The following AFF2 variants were observed in gnomAD, a reference collection of about 807,000 sequenced individuals.
AFF2 encodes the protein ALF transcription elongation factor 2.
A neutral mutation model predicts 76.9 loss-of-function variants in AFF2; 14 were observed. That is an observed-to-expected ratio of 0.18 (90% CI 0.12 to 0.28). The LOEUF (loss-of-function observed/expected upper bound fraction) is 0.28. Among genes scored for constraint, AFF2 ranks in the 10% least tolerant of loss-of-function variants. The pLI is 1.00. For synonymous variants in AFF2, 398 were observed against 366.7 expected, an observed-to-expected ratio of 1.09 and a Z score of -0.98; for missense variants, 868 against 1,001.1, an observed-to-expected ratio of 0.87 and a Z score of 1.79.
intron 3 of AFF2, among the ~76,000 whole-genome samples, chrX:148,779,210 G>A (rs1422228708): frequency 8.9e-6 from 1 of 111,910 alleles, no homozygotes; most frequent in East Asian, 2.8e-4. Flanking sequence ...CTGAGAGTCT[G>A]TTTGTTATGA....
At chrX:148,973,256 G>C (rs1557289741) in intron 15 of AFF2, among the ~76,000 whole-genome samples, 1 of 111,468 alleles carries the variant, frequency 9.0e-6, no homozygotes. Context: ...TCTATTGTGG[G>C]AGCTATTTTG....
At chrX:148,850,817 G>A (rs1557275254) in intron 7 of AFF2, among the ~76,000 whole-genome samples, 1 of 111,856 alleles carries the variant, frequency 8.9e-6, no homozygotes, top group African/African-American at 3.3e-5. Flanking sequence ...CCTCCACCTA[G>A]GGAGTGGCAG....
chrX:148,955,905 A>G lies in AFF2; in HGVS notation c.1860A>G (p.Thr620=), dbSNP rs1557287215. Residue 620 remains threonine (T), a synonymous_variant, in exon 11 of 21, where the codon ACA becomes ACG. Transcript: ENST00000370460. ...LKHKLSTTSE[T]VSQRTIGKKQ... ...ATAAGTTGTCAACAACTAGTGAGAC[A>G]GTGTCTCAAAGGACAATTGGGAAAA... 2.5e-6 allele frequency: 3 copies of G among 1,211,950 alleles called. No individual in the cohort carries two copies. Among genetic ancestry groups the G allele is most frequent in the Admixed American group, 2.2e-5 (1 of 46,083 alleles).
intron 1 of AFF2, among the ~76,000 whole-genome samples, chrX:148,591,518 C>T (rs1454152110): frequency 8.9e-6 from 1 of 112,554 alleles, no homozygotes; most frequent in Non-Finnish European, 1.9e-5. Flanking sequence ...AAATGCTGTA[C>T]AAGTGCTTTA....
intron 3 of AFF2, 66 bp from the exon 4 acceptor site, chrX:148,809,810 G>A (rs1344135924): frequency 7.3e-6 from 8 of 1,091,210 alleles, no homozygotes; most frequent in Non-Finnish European, 8.8e-6. Context: ...TTGTCCTACA[G>A]AGTAAACTAT....
intron 9 of AFF2, among the ~76,000 whole-genome samples, chrX:148,919,499 C>T (rs1367234971): frequency 9.1e-6 from 1 of 110,278 alleles, no homozygotes; most frequent in African/African-American, 3.3e-5. Context: ...CTTCTGAAAC[C>T]TCATCCTTGA....
intron 1 of AFF2, among the ~76,000 whole-genome samples, chrX:148,625,222 A>C (rs1242601264): frequency 1.8e-5 from 2 of 111,091 alleles, no homozygotes; most frequent in Non-Finnish European, 3.8e-5. Context: ...CCCTGTCAAT[A>C]GCTGTGAATA....
In AFF2 at chrX:148,995,484, T is replaced by TG. The variant is rs2072585779; in HGVS notation, c.*4157dup. 5.5e-4 allele frequency: 1 copy of TG among 1,823 alleles called. No individual in the cohort carries two copies. Among genetic ancestry groups the TG allele is most frequent in the African/African-American group, 1.5e-3 (1 of 658 alleles). The allele number at this position is 1,823 out of a possible 1,213,427, so 0.2% of individuals were successfully genotyped here. A position where few individuals can be genotyped will look rare whatever the true frequency, so the allele number is the denominator to read the frequency against. On this transcript the variant is annotated 3_prime_UTR_variant, in exon 21 of 21. Transcript: ENST00000370460. Reference sequence around the variant, plus strand: ...GGGGAGGGCAGAAAGGGGGTGGGGGTGGGGGCGGGGGGGTGGGGGGTGGGG... The same window carrying TG: ...GGGGAGGGCAGAAAGGGGGTGGGGGTGGGGGGCGGGGGGGTGGGGGGTGGGG...
intron 9 of AFF2, among the ~76,000 whole-genome samples, chrX:148,915,323 G>A (rs1193723294): frequency 2.7e-5 from 3 of 112,199 alleles, no homozygotes; most frequent in African/African-American, 9.7e-5. Context: ...ATGCACCATG[G>A]TAATTTAAAT....
rs1239684287 is a variant in AFF2, at chrX:148,962,956, ATAT to A, written c.2913+27_2913+29del. ...GGTAAATGTAAGCATCTTGGAAGAA[ATAT>A]TATTATTGTCAGGTAGAAACAAGTT... On this transcript the variant is annotated intron_variant, in intron 13 of 20. Coordinates refer to ENST00000370460, the MANE Select transcript of AFF2 (RefSeq NM_002025.4). 1.9e-6 allele frequency: 2 copies of A among 1,077,882 alleles called. No individual in the cohort carries two copies. The highest frequency in any genetic ancestry group is 3.0e-5 in the East Asian group (1 of 33,056). 88.8% of individuals were successfully genotyped at this position (1,077,882 alleles called of 1,213,427 possible).
intron 1 of AFF2, among the ~76,000 whole-genome samples, chrX:148,503,850 A>C (rs1371540252): frequency 9.0e-6 from 1 of 111,593 alleles, no homozygotes; most frequent in Non-Finnish European, 1.9e-5. Context: ...GAATAACTTA[A>C]TGGGTCATGC....
chrX:148,656,751 C>T (rs944332359), intron 2 of AFF2, among the ~76,000 whole-genome samples: 7 of 110,092 alleles, frequency 6.4e-5, no homozygotes, highest in Admixed American at 2.9e-4. Context: ...CCGCCCGCCT[C>T]GGCCTCCCAA....
At chrX:148,651,884 C>T in intron 1 of AFF2, 115 bp from the exon 2 acceptor site, 1 of 648,500 alleles carries the variant, frequency 1.5e-6, no homozygotes, top group Non-Finnish European at 2.3e-6. Context: ...GCAGTGTCAA[C>T]TTGGGCAGCA....
intron 3 of AFF2, among the ~76,000 whole-genome samples, chrX:148,703,765 C>A (rs781882732): frequency 1.4e-3 from 156 of 111,781 alleles, no homozygotes; most frequent in African/African-American, 5.0e-3. Context: ...AGATTTCTAA[C>A]TTTATTTTAT....
chrX:148,947,612 A>G (rs2071916101), intron 9 of AFF2, among the ~76,000 whole-genome samples: 1 of 111,709 alleles, frequency 9.0e-6, no homozygotes, highest in Non-Finnish European at 1.9e-5. Context: ...ACAAAATGGA[A>G]TCTTCCCAGT....
At chrX:148,712,562 C>A (rs1557262992) in intron 3 of AFF2, among the ~76,000 whole-genome samples, 1 of 111,351 alleles carries the variant, frequency 9.0e-6, no homozygotes, top group African/African-American at 3.3e-5. Flanking sequence ...ACTGGGCAAC[C>A]CCTCCCTCAA....
At chrX:148,911,863 C>T (rs191415512) in intron 9 of AFF2, among the ~76,000 whole-genome samples, 1 of 111,899 alleles carries the variant, frequency 8.9e-6, no homozygotes, top group Non-Finnish European at 1.9e-5. Flanking sequence ...AATTACTATT[C>T]GGCCCAACAA....
intron 3 of AFF2, among the ~76,000 whole-genome samples, chrX:148,705,776 A>G (rs781818392): frequency 8.9e-6 from 1 of 111,839 alleles, no homozygotes; most frequent in South Asian, 3.8e-4. Context: ...TAGAGGAAGT[A>G]TGAGTTTTCT....
At chrX:148,614,751 TTTC>T (rs1569552178) in intron 1 of AFF2, among the ~76,000 whole-genome samples, 9 of 47,403 alleles carry the variant, frequency 1.9e-4, no homozygotes, top group African/African-American at 7.2e-4. Context: ...TCTTTCTTTC[TTTC>T]TTTCTTTCTT....
Sources: allele counts gnomAD v4.1 joint callset (sites outside exome capture counted in the v4.1 genomes callset), GRCh38; gene constraint gnomAD v4.1.1; transcripts MANE v1.5; gene names NCBI Gene and HGNC (gene_info 2026-07-23, HGNC 2026-07-21).